Variants in ARHGAP26 observed in about 807,000 individuals in gnomAD.
ARHGAP26 encodes the protein Rho GTPase activating protein 26.
In ARHGAP26, 38 loss-of-function variants were observed where a neutral mutation model predicts 104.8. The observed-to-expected ratio is 0.36, with a 90% confidence interval of 0.28 to 0.48. The LOEUF is 0.48. Among genes scored for constraint, ARHGAP26 ranks in the 20% least tolerant of loss-of-function variants. The pLI is 0.99. For missense variants in ARHGAP26, 704 were observed against 947.9 expected (o/e 0.74, Z 3.38); for synonymous variants, 341 against 340.0 (o/e 1.00, Z -0.03).
At chr5:143,105,763 C>T (rs1465050261) in intron 17 of ARHGAP26, among the ~76,000 whole-genome samples, 1 of 152,194 alleles carries the variant, frequency 6.6e-6, no homozygotes, top group Non-Finnish European at 1.5e-5. Flanking sequence ...ATCCTCTCTT[C>T]AGTGCGTCAG....
At chr5:143,012,548 C>CATATATATATATATATTTATATATAT (rs1414408846) in intron 11 of ARHGAP26, among the ~76,000 whole-genome samples, 1 of 23,352 alleles carries the variant, frequency 4.3e-5, no homozygotes, top group African/African-American at 1.2e-4. Flanking sequence ...TATATACATA[C>CATATATATATATATATTTATATATAT]ATACATATAT....
intron 1 of ARHGAP26, among the ~76,000 whole-genome samples, chr5:142,795,419 G>A (rs754309422): frequency 1.1e-4 from 17 of 152,162 alleles, no homozygotes; most frequent in Non-Finnish European, 2.5e-4. Context: ...AATCTCAGTT[G>A]TTCTTCCTCT....
rs761836470 is a variant in ARHGAP26 at position 142,913,277 on chromosome 5, G to A, written c.1012G>A (p.Val338Met). 1.2e-6 allele frequency: 2 copies of A among 1,614,122 alleles called. 1 individual carries two copies. The highest frequency in any genetic ancestry group is 4.5e-5 in the East Asian group (2 of 44,880). Residue 338 changes from valine to methionine, a missense_variant, in exon 10 of 23, where the codon GTG becomes ATG. Coordinates refer to ENST00000645722, the MANE Select transcript of ARHGAP26 (RefSeq NM_001135608.3). ...DSIEKRFCFD[V>M]EAVDRPGVIT... is the part of the protein sequence containing the mutation. ...CATTGAGAAGAGGTTTTGCTTTGAT[G>A]TGGAAGCAGTAGACAGGTGAGTAGC...
At chr5:143,013,918 G>A (rs948308437) in intron 11 of ARHGAP26, among the ~76,000 whole-genome samples, 162 bp from the exon 12 acceptor site, 2 of 152,200 alleles carry the variant, frequency 1.3e-5, no homozygotes, top group African/African-American at 2.4e-5. Flanking sequence ...AGTAAATACT[G>A]AGAAGTAGAT....
chr5:143,181,113 C>A (rs747033812), intron 20 of ARHGAP26, among the ~76,000 whole-genome samples: 2 of 152,236 alleles, frequency 1.3e-5, no homozygotes, highest in Non-Finnish European at 2.9e-5. Flanking sequence ...CCTTGGCCAT[C>A]TGGCCTTCCT....
chr5:142,874,286 C>T (rs1755760242), intron 2 of ARHGAP26, among the ~76,000 whole-genome samples: 1 of 152,180 alleles, frequency 6.6e-6, no homozygotes, highest in Non-Finnish European at 1.5e-5. Context: ...TCATTGCACA[C>T]TATTCTTCTA....
At chr5:142,861,345 G>A (rs886805246) in intron 1 of ARHGAP26, among the ~76,000 whole-genome samples, 1 of 151,234 alleles carries the variant, frequency 6.6e-6, no homozygotes, top group Non-Finnish European at 1.5e-5. Flanking sequence ...AGAATGGCTA[G>A]GTCCGTTTTT....
At chr5:143,004,325 C>A (rs192378896) in intron 11 of ARHGAP26, among the ~76,000 whole-genome samples, 97 of 152,262 alleles carry the variant, frequency 6.4e-4, no homozygotes, top group Middle Eastern at 3.4e-3. Flanking sequence ...TTAACACAGA[C>A]CTTAATGCCA....
chr5:142,911,966 T>C (rs1184745094), intron 9 of ARHGAP26, among the ~76,000 whole-genome samples: 1 of 152,260 alleles, frequency 6.6e-6, no homozygotes, highest in Non-Finnish European at 1.5e-5. Flanking sequence ...TGTTTGCTCT[T>C]CTGATATTAG....
At chr5:143,062,561 G>GTTTTTTTTTTTT in intron 17 of ARHGAP26, among the ~76,000 whole-genome samples, 1 of 142,252 alleles carries the variant, frequency 7.0e-6, no homozygotes, top group African/African-American at 2.6e-5. Context: ...TTGAGTCTGA[G>GTTTTTTTTTTTT]TACTTCCAGG....
rs781473038 is a variant in ARHGAP26 at position 143,207,217 on chromosome 5, A to G, written c.2008A>G (p.Thr670Ala). The G allele has an allele frequency of 6.6e-5, 107 of 1,612,418 alleles. No individual in the cohort carries two copies. In the South Asian group the frequency reaches 9.3e-4, roughly 14 times the overall value. Residue 670 changes from threonine to alanine, a missense_variant, in exon 21 of 23, where the codon ACT becomes GCT. This residue lies in a region of ARHGAP26 where 217 missense variants were observed against 242.6 expected (regional missense o/e 0.89). Transcript: ENST00000645722. ...TTGCAGCCCCCCGAATCCAAGCCCA[A>G]CTTCACCCCTCTCGCCATCTTGGCC... Reference protein sequence around the residue: ...PNSLPPNPSPTSPLSPSWPMF... With the variant: ...PNSLPPNPSPASPLSPSWPMF...
intron 20 of ARHGAP26, among the ~76,000 whole-genome samples, chr5:143,200,534 T>A (rs934284790): frequency 6.6e-6 from 1 of 152,164 alleles, no homozygotes; most frequent in African/African-American, 2.4e-5. Context: ...TATAATTGCA[T>A]TGGAAAATGC....
chr5:143,087,806 C>T (rs1204491316), intron 17 of ARHGAP26, among the ~76,000 whole-genome samples: 6 of 151,928 alleles, frequency 3.9e-5, no homozygotes, highest in East Asian at 1.9e-4. Context: ...TGTGCCACCA[C>T]GCCTGGCTAA....
At chr5:142,945,663 T>TG (rs1366370599) in intron 11 of ARHGAP26, among the ~76,000 whole-genome samples, 10 of 152,234 alleles carry the variant, frequency 6.6e-5, no homozygotes, top group African/African-American at 2.4e-4. Context: ...AAGTTTTTTT[T>TG]AAACTTTTTA....
intron 1 of ARHGAP26, among the ~76,000 whole-genome samples, chr5:142,810,513 G>C (rs926006829): frequency 3.3e-5 from 5 of 152,012 alleles, no homozygotes; most frequent in African/African-American, 1.2e-4. Flanking sequence ...TGTGTGTGTA[G>C]TCATTTATTA....
At chr5:142,826,778 C>G (rs977780568) in intron 1 of ARHGAP26, among the ~76,000 whole-genome samples, 1 of 152,144 alleles carries the variant, frequency 6.6e-6, no homozygotes, top group Non-Finnish European at 1.5e-5. Context: ...CTATCTCCAC[C>G]AAGCCCTCCC....
At chr5:142,831,628 T>C (rs1013326231) in intron 1 of ARHGAP26, among the ~76,000 whole-genome samples, 3 of 151,536 alleles carry the variant, frequency 2.0e-5, no homozygotes, top group Non-Finnish European at 1.5e-5. Context: ...TTCTCCAAAG[T>C]ATCTCTTCCT....
chr5:142,847,688 G>A (rs1282810627), intron 1 of ARHGAP26, among the ~76,000 whole-genome samples: 3 of 152,244 alleles, frequency 2.0e-5, no homozygotes, highest in Non-Finnish European at 4.4e-5. Flanking sequence ...CCATTAGGTG[G>A]CACAAATAGA....
At position 143,054,521 on chromosome 5, in the gene ARHGAP26, C is replaced by T. The variant is rs1785512217; in HGVS notation, c.1368C>T (p.Tyr456=). The T allele has an allele frequency of 1.2e-6, 2 of 1,608,756 alleles. No individual in the cohort carries two copies. The highest frequency in any genetic ancestry group is 1.7e-6 in the Non-Finnish European group (2 of 1,176,694). Residue 456 remains tyrosine, a synonymous_variant, in exon 15 of 23, where the codon TAC becomes TAT. Transcript: ENST00000645722. Reference sequence around the variant, plus strand: ...CCATCACTAGTGCTCTGAAGACCTACCTAAGGTAGGGACTTTCCATTTGCA... The same window carrying T: ...CCATCACTAGTGCTCTGAAGACCTATCTAAGGTAGGGACTTTCCATTTGCA... ...IKTITSALKT[Y]LRMLPGPLMM...
Sources: gnomAD v4.1 joint callset for allele counts (sites outside exome capture counted in the v4.1 genomes callset) on GRCh38, gnomAD v4.1.1 for gene constraint, gnomAD v4.1.1 regional missense constraint, MANE v1.5 for transcripts, NCBI Gene and HGNC (gene_info 2026-07-23, HGNC 2026-07-21) for gene names.